Variants in GRK2 observed in about 807,000 individuals in gnomAD.
GRK2 encodes the protein G protein-coupled receptor kinase 2.
In GRK2, 23 loss-of-function variants were observed where a neutral mutation model predicts 97.8. The observed-to-expected ratio is 0.24, with a 90% CI of 0.17 to 0.33. The LOEUF (loss-of-function observed/expected upper bound fraction) is 0.33, where lower values mean the gene tolerates loss of function less well. GRK2 is among the 10% of genes least tolerant of loss of function. The pLI, the probability that GRK2 is intolerant of heterozygous loss-of-function variation, is 1.00. For missense variants in GRK2, 633 were observed against 956.9 expected (o/e 0.66, Z 4.47); for synonymous variants, 425 against 381.7 (o/e 1.11, Z -1.32).
intron 1 of GRK2, among the ~76,000 whole-genome samples, chr11:67,271,318 A>T (rs1183237133): frequency 6.6e-6 from 1 of 152,238 alleles, no homozygotes; most frequent in African/African-American, 2.4e-5. Flanking sequence ...AAACAGTAAT[A>T]TCCCTTCTCT....
In GRK2 at chr11:67,284,835, C is replaced by T. The variant is rs1331699388; in HGVS notation, c.1655-12C>T. 1.2e-6 allele frequency: 2 copies of T among 1,611,290 alleles called. No homozygotes were observed. Among genetic ancestry groups the T allele is most frequent in the African/African-American group, 1.3e-5 (1 of 74,902 alleles). On this transcript the variant is annotated splice_polypyrimidine_tract_variant and intron_variant, in intron 18 of 20. Coordinates refer to ENST00000308595, the MANE Select transcript of GRK2 (RefSeq NM_001619.5). ...GTGGGGCCGGCTGAGTCTCCTCTGT[C>T]TCTCGCCTCAGACTACGCCCTGGGC...
At chr11:67,278,018 A>C (rs1290003052) in intron 2 of GRK2, among the ~76,000 whole-genome samples, 2 of 152,122 alleles carry the variant, frequency 1.3e-5, no homozygotes, top group Non-Finnish European at 2.9e-5. Flanking sequence ...CAAGAAGCAC[A>C]AAGTTTGGGT....
intron 7 of GRK2, 141 bp downstream of exon 7, chr11:67,280,924 G>A: frequency 1.7e-6 from 2 of 1,182,812 alleles, no homozygotes; most frequent in Non-Finnish European, 2.5e-6. Flanking sequence ...TGGGGGTCAG[G>A]GCCGGGATCC....
intron 1 of GRK2, among the ~76,000 whole-genome samples, chr11:67,268,116 A>T (rs1859835410): frequency 6.6e-6 from 1 of 152,114 alleles, no homozygotes; most frequent in Non-Finnish European, 1.5e-5. Context: ...CTCTTCCCTC[A>T]CTGGGCCTCG....
chr11:67,271,392 A>G, intron 1 of GRK2, among the ~76,000 whole-genome samples: 1 of 152,194 alleles, frequency 6.6e-6, no homozygotes, highest in South Asian at 2.1e-4. Flanking sequence ...TGGTATTAAC[A>G]TGTTGGCAGC....
At chr11:67,271,924 G>A (rs1289683869) in intron 1 of GRK2, among the ~76,000 whole-genome samples, 2 of 152,306 alleles carry the variant, frequency 1.3e-5, no homozygotes, top group East Asian at 1.9e-4. Flanking sequence ...GGAGCACCTC[G>A]GCCACAGCCA....
chr11:67,280,221 G>C (rs1345225194), intron 6 of GRK2: 1 of 437,078 alleles, frequency 2.3e-6, no homozygotes, highest in Non-Finnish European at 4.2e-6. Context: ...CCTGGACTGA[G>C]AAGCATCAGA....
chr11:67,277,045 C>A, intron 1 of GRK2: 1 of 438,034 alleles, frequency 2.3e-6, no homozygotes, highest in South Asian at 3.3e-5. Flanking sequence ...CACCTGCCGG[C>A]CACCCTGGCC....
intron 1 of GRK2, 129 bp from the exon 2 acceptor site, chr11:67,277,143 G>A: frequency 1.3e-6 from 1 of 786,948 alleles, no homozygotes; most frequent in African/African-American, 1.7e-5. Flanking sequence ...AAGTGAGTAG[G>A]CCTGACGGGC....
chr11:67,280,367 G>C (rs1860122710), intron 6 of GRK2: 1 of 409,982 alleles, frequency 2.4e-6, no homozygotes, highest in Non-Finnish European at 4.5e-6. Context: ...CTGCTGCCCA[G>C]CCATGGAGTG....
chr11:67,286,500 T>A lies in GRK2; in HGVS notation c.*1050T>A. ...GGGCGTTTCTTTGCCGATTTTTGAA[T>A]GTGATTTTAAAGAGTGAAAAATGAG... On this transcript the variant is annotated 3_prime_UTR_variant, in exon 21 of 21. Coordinates refer to ENST00000308595, the MANE Select transcript of GRK2 (RefSeq NM_001619.5). The A allele has an allele frequency of 1.4e-6, 1 of 701,272 alleles. No homozygotes were observed. 43.4% of individuals were successfully genotyped at this position (701,272 alleles called of 1,614,324 possible).
At position 67,286,039 on chromosome 11, in the gene GRK2, C is replaced by A; in HGVS notation, c.*589C>A. ...CTCCACTCCCACTTCCCTGACACTG[C>A]GGGGCTTGGCTGAGAGAGTGGCATT... On this transcript the variant is annotated 3_prime_UTR_variant, in exon 21 of 21. Coordinates refer to ENST00000308595, the MANE Select transcript of GRK2 (RefSeq NM_001619.5). 3.5e-6 allele frequency: 1 copy of A among 282,418 alleles called. No individual in the cohort carries two copies. Among genetic ancestry groups the A allele is most frequent in the South Asian group, 4.7e-5 (1 of 21,136 alleles). 17.5% of individuals were successfully genotyped at this position (282,418 alleles called of 1,614,324 possible). A position where few individuals can be genotyped will look rare whatever the true frequency, so the allele number is the denominator to read the frequency against.
chr11:67,284,703 C>G (rs1236254251), intron 18 of GRK2, 144 bp from the exon 19 acceptor site: 1 of 1,114,202 alleles, frequency 9.0e-7, no homozygotes, highest in Non-Finnish European at 1.3e-6. Flanking sequence ...GCGGGAGGAT[C>G]GTTTGAACCT....
At position 67,280,281 on chromosome 11, in the gene GRK2, C is replaced by T. The variant is rs1860121223; in HGVS notation, c.503+381C>T. 7.9e-6 allele frequency: 3 copies of T among 381,990 alleles called. No individual in the cohort carries two copies. The South Asian group carries it at 8.2e-5, about 10-fold the overall frequency. 23.7% of individuals were successfully genotyped at this position (381,990 alleles called of 1,614,324 possible). A position where few individuals can be genotyped will look rare whatever the true frequency, so the allele number is the denominator to read the frequency against. On this transcript the variant is annotated intron_variant, in intron 6 of 20. Transcript: ENST00000308595. ...GAGCGCATGGCCCCCGTGACCCTCA[C>T]AGCCAGAGTTGGCGCGGTGGGTGGG...
intron 1 of GRK2, among the ~76,000 whole-genome samples, chr11:67,270,150 C>T (rs1195756630): frequency 6.6e-6 from 1 of 152,184 alleles, no homozygotes; most frequent in Non-Finnish European, 1.5e-5. Context: ...TGGGCCTTGC[C>T]CTGAAGGAAC....
At chr11:67,285,241 G>A (rs767465016) in intron 20 of GRK2, 45 bp from the exon 21 acceptor site, 2 of 1,610,624 alleles carry the variant, frequency 1.2e-6, no homozygotes, top group Non-Finnish European at 1.7e-6. Flanking sequence ...GGCCAGGCAG[G>A]CTGGGGAGAG....
chr11:67,266,862 C>T, intron 1 of GRK2, 50 bp downstream of exon 1: 1 of 980,806 alleles, frequency 1.0e-6, no homozygotes, highest in Non-Finnish European at 1.3e-6. Context: ...GGCGCCCCGG[C>T]CGCGGCCCCG....
rs1282900805 is a variant in GRK2, at chr11:67,269,756, C to T, written c.113+2944C>T. ...GGTTGCCACTGGGAATTGTTCATAC[C>T]TTGAGGTGGCCCACCTTGGCAGCCC... On this transcript the variant is annotated intron_variant, in intron 1 of 20. Coordinates refer to ENST00000308595, the MANE Select transcript of GRK2 (RefSeq NM_001619.5). The surrounding 1 kb of genome is among the most constrained non-coding windows in gnomAD (Gnocchi z 4.1). Among the ~76,000 whole-genome samples, 2 of 152,218 alleles carry T rather than the reference C, an allele frequency of 1.3e-5. No individual in the cohort carries two copies. Among genetic ancestry groups the T allele is most frequent in the Non-Finnish European group, 2.9e-5 (2 of 68,028 alleles).
intron 1 of GRK2, among the ~76,000 whole-genome samples, chr11:67,275,105 CA>C (rs1860001376): frequency 6.6e-6 from 1 of 152,156 alleles, no homozygotes; most frequent in African/African-American, 2.4e-5. Context: ...GGGAGCAGGC[CA>C]GGGGGTCGCG....
Sources: gnomAD v4.1 joint callset for allele counts (sites outside exome capture counted in the v4.1 genomes callset) on GRCh38, gnomAD v4.1.1 for gene constraint, Gnocchi (gnomAD v3.1) non-coding constraint, MANE v1.5 for transcripts, NCBI Gene and HGNC (gene_info 2026-07-23, HGNC 2026-07-21) for gene names.